The following KCNG3 variants were observed in gnomAD, a reference collection of about 807,000 sequenced individuals.
The protein encoded by KCNG3 is potassium voltage-gated channel modifier subfamily G member 3, also known as voltage-gated potassium channel regulatory subunit KCNG3.
In KCNG3, 15 loss-of-function variants were observed where a neutral mutation model predicts 29.0. The observed-to-expected ratio is 0.52, with a 90% CI of 0.35 to 0.80. KCNG3 has a LOEUF of 0.80. Among genes scored for constraint, KCNG3 ranks in the 30% least tolerant of loss-of-function variants. KCNG3 has a pLI of 0.01. For synonymous variants in KCNG3, 322 were observed against 248.9 expected (o/e 1.29, Z -2.76); for missense variants, 512 against 605.7 (o/e 0.85, Z 1.62).
In KCNG3 at chr2:42,446,325, C is replaced by T. The variant is rs1259328428; in HGVS notation, c.666-1746G>A. Among the ~76,000 whole-genome samples the T allele has an allele frequency of 4.0e-5, 6 of 151,792 alleles. No homozygotes were observed. The East Asian group carries it at 7.8e-4, about 20-fold the overall frequency. On this transcript the variant is annotated intron_variant, in intron 1 of 1. Coordinates refer to ENST00000306078, the MANE Select transcript of KCNG3 (RefSeq NM_133329.6). ...CCAAGTAGCTGGGACTACAGGCGCG[C>T]GCGATCACGCCTGGCTAATTTTTTT...
rs577059699 is a variant in KCNG3, at chr2:42,471,487, G to A, written c.665+21350C>T. On this transcript the variant is annotated intron_variant, in intron 1 of 1. Coordinates refer to ENST00000306078, the MANE Select transcript of KCNG3 (RefSeq NM_133329.6). ...AGATAGCAGATGGTTGTCAGGGTAT[G>A]CGAGGAGGGGGAACAGGGTGTGACT... Among the ~76,000 whole-genome samples, 14 of 152,210 alleles carry A rather than the reference G, an allele frequency of 9.2e-5. No individual in the cohort carries two copies. In the South Asian group the frequency reaches 2.7e-3, roughly 29 times the overall value.
chr2:42,415,504 T>TC, the KCNG3 span: 4 of 152,150 alleles, frequency 2.6e-5, no homozygotes, highest in Non-Finnish European at 4.4e-5. Flanking sequence ...ATATCCTTCA[T>TC]CCTGGATTCT....
At chr2:42,469,464 A>G (rs1037409506) in intron 1 of KCNG3, among the ~76,000 whole-genome samples, 4 of 151,820 alleles carry the variant, frequency 2.6e-5, no homozygotes, top group African/African-American at 9.7e-5. Context: ...GTAGATCCAC[A>G]TACCCACAGA....
intron 1 of KCNG3, among the ~76,000 whole-genome samples, chr2:42,482,315 A>G (rs184777684): frequency 5.4e-4 from 82 of 152,392 alleles, no homozygotes; most frequent in African/African-American, 1.8e-3. Flanking sequence ...ATAGTGGCTC[A>G]TGCCTATAAT....
At chr2:42,456,639 A>G (rs966583116) in intron 1 of KCNG3, among the ~76,000 whole-genome samples, 7 of 152,212 alleles carry the variant, frequency 4.6e-5, no homozygotes, top group Non-Finnish European at 7.3e-5. Context: ...AAGAAAGTAA[A>G]CAGTATGCCC....
At chr2:42,438,314 T>C (rs1199324527), downstream of KCNG3, among the ~76,000 whole-genome samples, 1 of 152,172 alleles carries the variant, frequency 6.6e-6, no homozygotes, top group Non-Finnish European at 1.5e-5. Flanking sequence ...GGCAGAACTA[T>C]AGAATTATTT....
At chr2:42,437,970 GT>G (rs1672403681), downstream of KCNG3, among the ~76,000 whole-genome samples, 1 of 146,780 alleles carries the variant, frequency 6.8e-6, no homozygotes, top group Non-Finnish European at 1.5e-5. Context: ...AAAATTTTCT[GT>G]CACTACAATC....
intron 1 of KCNG3, chr2:42,470,264 T>A: frequency 2.5e-6 from 1 of 392,998 alleles, no homozygotes; most frequent in South Asian, 2.9e-5. Context: ...CCTGGTCGCA[T>A]AAATTTGTCT....
intron 1 of KCNG3, among the ~76,000 whole-genome samples, chr2:42,481,841 A>G (rs1323205280): frequency 6.6e-6 from 1 of 152,172 alleles, no homozygotes; most frequent in Non-Finnish European, 1.5e-5. Flanking sequence ...GACCCTATTC[A>G]GGCATCACCT....
intron 1 of KCNG3, among the ~76,000 whole-genome samples, chr2:42,477,611 G>A (rs570716391): frequency 6.5e-4 from 98 of 151,792 alleles, no homozygotes; most frequent in Middle Eastern, 3.4e-3. Context: ...GGACATGGTG[G>A]CTCAGACCTG....
chr2:42,475,640 T>C (rs1405748172), intron 1 of KCNG3, among the ~76,000 whole-genome samples: 1 of 147,428 alleles, frequency 6.8e-6, no homozygotes, highest in Non-Finnish European at 1.5e-5. Flanking sequence ...TGAGACTCTG[T>C]CTCTTTAAAA....
the KCNG3 span, among the ~76,000 whole-genome samples, chr2:42,403,152 C>A: frequency 2.6e-5 from 4 of 152,010 alleles, no homozygotes; most frequent in Non-Finnish European, 5.9e-5. Context: ...TGTGCCTTTT[C>A]CTTTTTGAGA....
the KCNG3 span, among the ~76,000 whole-genome samples, chr2:42,397,940 C>T: frequency 1.3e-5 from 2 of 152,012 alleles, no homozygotes; most frequent in African/African-American, 4.8e-5. Context: ...ATCAAGAAGA[C>T]GGGCTGGGCA....
At chr2:42,447,083 C>T (rs538829188) in intron 1 of KCNG3, among the ~76,000 whole-genome samples, 1 of 113,912 alleles carries the variant, frequency 8.8e-6, no homozygotes, top group East Asian at 2.1e-4. Context: ...AAACCTGCCT[C>T]AAAAAAAAAA....
chr2:42,480,414 C>T (rs114043446), intron 1 of KCNG3, among the ~76,000 whole-genome samples: 1 of 152,132 alleles, frequency 6.6e-6, no homozygotes, highest in East Asian at 1.9e-4. Context: ...CATTCTAAAT[C>T]AGGGGTTGGC....
the KCNG3 span, among the ~76,000 whole-genome samples, chr2:42,419,859 C>CAAGAG: frequency 6.6e-6 from 1 of 152,208 alleles, no homozygotes; most frequent in South Asian, 2.1e-4. Flanking sequence ...GCACTACTAG[C>CAAGAG]AAGAGAGCAG....
chr2:42,484,233 G>A (rs1673662304), intron 1 of KCNG3, among the ~76,000 whole-genome samples: 1 of 152,144 alleles, frequency 6.6e-6, no homozygotes, highest in Non-Finnish European at 1.5e-5. Flanking sequence ...AGGCCGAGGA[G>A]GGTGGATCAC....
chr2:42,407,425 T>C, the KCNG3 span, among the ~76,000 whole-genome samples: 2 of 152,154 alleles, frequency 1.3e-5, no homozygotes, highest in Non-Finnish European at 1.5e-5. Context: ...ACCTTGGTGA[T>C]GGCAACAGCA....
the KCNG3 span, among the ~76,000 whole-genome samples, chr2:42,395,730 G>C: frequency 2.6e-5 from 4 of 152,094 alleles, no homozygotes; most frequent in African/African-American, 9.7e-5. Context: ...GAGGTTGGAG[G>C]ATTCTTTGAG....
Sources: gnomAD v4.1 joint callset for allele counts (sites outside exome capture counted in the v4.1 genomes callset) on GRCh38, gnomAD v4.1.1 for gene constraint, MANE v1.5 for transcripts, NCBI Gene and HGNC (gene_info 2026-07-23, HGNC 2026-07-21) for gene names.